HEPACAM2: variants seen among roughly 807,000 people sequenced by gnomAD.
HEPACAM2 encodes the protein mitotic kinetics regulator.
Under a neutral mutation model 49.6 loss-of-function variants are expected in HEPACAM2, and 49 were observed. The observed-to-expected ratio is 0.99, with a 90% confidence interval of 0.78 to 1.25. The LOEUF (loss-of-function observed/expected upper bound fraction) is 1.25. Among genes scored for constraint, HEPACAM2 ranks in the 50% most tolerant of loss-of-function variants. The pLI is 0.00. For missense variants in HEPACAM2, 525 were observed against 557.2 expected, an observed-to-expected ratio of 0.94 and a Z score of 0.58; for synonymous variants, 197 against 202.9, an observed-to-expected ratio of 0.97 and a Z score of 0.25.
intron 2 of HEPACAM2, among the ~76,000 whole-genome samples, chr7:93,218,675 C>T (rs1202875975): frequency 2.0e-4 from 31 of 152,070 alleles, no homozygotes; most frequent in Admixed American, 2.0e-3. Context: ...GTCCATTGTC[C>T]TTAAGTACCA....
chr7:93,222,746 C>T (rs1794473842), intron 1 of HEPACAM2, among the ~76,000 whole-genome samples: 1 of 152,102 alleles, frequency 6.6e-6, no homozygotes, highest in Admixed American at 6.6e-5. Flanking sequence ...TAAGGCCTTT[C>T]TCGACTCTCT....
chr7:93,219,058 A>C, intron 2 of HEPACAM2, 43 bp downstream of exon 2: 1 of 1,557,210 alleles, frequency 6.4e-7, no homozygotes, highest in Non-Finnish European at 8.8e-7. Flanking sequence ...TTTGCTAACT[A>C]CCATGCTAGA....
rs1793884805 is a variant in HEPACAM2 at position 93,201,616 on chromosome 7, A to G, written c.1013-4006T>C. On this transcript the variant is annotated intron_variant, in intron 4 of 9. Coordinates refer to ENST00000394468, the MANE Select transcript of HEPACAM2 (RefSeq NM_001039372.4). ...CTCAAATTTGAATTTAGCAATGTCT[A>G]ACAACAATTCCATGCTCTTTCCACC... Among the ~76,000 whole-genome samples the G allele has an allele frequency of 3.3e-5, 5 of 152,212 alleles. No homozygotes were observed. The South Asian group carries it at 1.0e-3, about 32-fold the overall frequency.
intron 4 of HEPACAM2, among the ~76,000 whole-genome samples, chr7:93,201,545 C>T (rs1234399286): frequency 1.3e-5 from 2 of 151,926 alleles, no homozygotes; most frequent in African/African-American, 4.8e-5. Context: ...TTCTATGATA[C>T]AATAATTAGT....
At chr7:93,202,668 C>T (rs887793931) in intron 4 of HEPACAM2, among the ~76,000 whole-genome samples, 8 of 152,132 alleles carry the variant, frequency 5.3e-5, no homozygotes, top group Admixed American at 1.3e-4. Context: ...TGTGCTTTAC[C>T]ATCAGCAAAA....
At chr7:93,200,538 T>C (rs1259497869) in intron 4 of HEPACAM2, among the ~76,000 whole-genome samples, 2 of 152,122 alleles carry the variant, frequency 1.3e-5, no homozygotes, top group Non-Finnish European at 2.9e-5. Context: ...ATACATTGAA[T>C]AAAGATTAAT....
intron 9 of HEPACAM2, among the ~76,000 whole-genome samples, chr7:93,189,623 G>A (rs553909758): frequency 1.3e-5 from 2 of 151,872 alleles, no homozygotes; most frequent in South Asian, 2.1e-4. Flanking sequence ...TAATTGGGCT[G>A]AGTACTAGAA....
Position 93,195,808 on chromosome 7 carries a change from C to A in HEPACAM2, c.1275+20G>T, listed in dbSNP as rs371068038. ...AGCAGAATTCTACTTCTCGGTTAATCAGCCACTAGGAAAACCAACCCTGGA... is the reference window on the plus strand; with the variant it reads ...AGCAGAATTCTACTTCTCGGTTAATAAGCCACTAGGAAAACCAACCCTGGA... On this transcript the variant is annotated intron_variant, in intron 8 of 9. Coordinates refer to ENST00000394468, the MANE Select transcript of HEPACAM2 (RefSeq NM_001039372.4). 5.8e-5 allele frequency: 92 copies of A among 1,588,724 alleles called. No individual in the cohort carries two copies. Among genetic ancestry groups the A allele is most frequent in the Admixed American group, 2.7e-4 (16 of 59,526 alleles).
At chr7:93,202,280 T>A (rs1383313471) in intron 4 of HEPACAM2, among the ~76,000 whole-genome samples, 1 of 151,216 alleles carries the variant, frequency 6.6e-6, no homozygotes, top group Non-Finnish European at 1.5e-5. Context: ...TATATATACA[T>A]AAAATCAAAT....
At position 93,189,205 on chromosome 7, in the gene HEPACAM2, T is replaced by G. The variant is rs1172846375; in HGVS notation, c.*62A>C. The stretch of plus-strand genomic sequence containing the variant: ...ATTCCAGATTAATATACTTTTCCAC[T>G]GTTTTTCCTTAAAATGTTTCTTCAG... On this transcript the variant is annotated 3_prime_UTR_variant, in exon 10 of 10. Transcript: ENST00000394468. 2 of 1,435,848 alleles carry G rather than the reference T, an allele frequency of 1.4e-6. No homozygotes were observed. The highest frequency in any genetic ancestry group is 1.8e-5 in the Admixed American group (1 of 56,438). The allele number at this position is 1,435,848 out of a possible 1,614,324, so 88.9% of individuals were successfully genotyped here.
At chr7:93,218,805 A>T (rs1327655546) in intron 2 of HEPACAM2, among the ~76,000 whole-genome samples, 1 of 152,088 alleles carries the variant, frequency 6.6e-6, no homozygotes, top group East Asian at 1.9e-4. Context: ...TCTCCATCTC[A>T]TCAAATTAGC....
rs76906622 is a variant in HEPACAM2, at chr7:93,197,628, C to T, written c.1013-18G>A. On this transcript the variant is annotated intron_variant, in intron 4 of 9. Transcript: ENST00000394468. ...CTCCAGTCCTAAATAAAAAGATAAA[C>T]ATATTTTTAGCAATAAATTGCTACA... 95,577 of 1,538,924 alleles carry T rather than the reference C, an allele frequency of 0.062. 3,463 individuals are homozygous for T. The highest frequency in any genetic ancestry group is 0.17 in the East Asian group (7,644 of 44,016).
intron 3 of HEPACAM2, among the ~76,000 whole-genome samples, chr7:93,209,938 G>A (rs1003692378): frequency 6.6e-6 from 1 of 151,482 alleles, no homozygotes; most frequent in Non-Finnish European, 1.5e-5. Flanking sequence ...CTAAGATTAG[G>A]ATTCCATTTG....
upstream of HEPACAM2, among the ~76,000 whole-genome samples, chr7:93,229,531 C>T (rs573316441): frequency 6.6e-6 from 1 of 152,292 alleles, no homozygotes; most frequent in South Asian, 2.1e-4. Context: ...AGCTTCCAGA[C>T]ATTCCTCCTG....
intron 4 of HEPACAM2, among the ~76,000 whole-genome samples, chr7:93,199,752 C>T (rs537536991): frequency 1.6e-4 from 25 of 152,170 alleles, no homozygotes; most frequent in African/African-American, 6.0e-4. Flanking sequence ...TATAAACACA[C>T]ACAATACACT....
chr7:93,195,800 C>A, intron 8 of HEPACAM2, 28 bp downstream of exon 8: 1 of 1,555,490 alleles, frequency 6.4e-7, no homozygotes, highest in Non-Finnish European at 8.9e-7. Context: ...TTCTACTTCT[C>A]GGTTAATCAG....
intron 7 of HEPACAM2, among the ~76,000 whole-genome samples, chr7:93,196,912 A>G (rs1160620709): frequency 1.3e-5 from 2 of 152,176 alleles, no homozygotes; most frequent in Non-Finnish European, 2.9e-5. Flanking sequence ...TTTCAAAATA[A>G]TAATAGGATC....
chr7:93,220,655 T>C (rs973779452), intron 1 of HEPACAM2, among the ~76,000 whole-genome samples: 9 of 152,194 alleles, frequency 5.9e-5, no homozygotes, highest in Admixed American at 4.6e-4. Context: ...GAGAGGGCCT[T>C]GGGGCATGGA....
chr7:93,232,161 C>A, the HEPACAM2 span, among the ~76,000 whole-genome samples: 1 of 152,182 alleles, frequency 6.6e-6, no homozygotes, highest in African/African-American at 2.4e-5. Context: ...CTAGTGCAAG[C>A]ACCTTTGTAA....
Sources: gnomAD v4.1 joint callset for allele counts (sites outside exome capture counted in the v4.1 genomes callset) on GRCh38, gnomAD v4.1.1 for gene constraint, MANE v1.5 for transcripts, NCBI Gene and HGNC (gene_info 2026-07-23, HGNC 2026-07-21) for gene names.